The following MARCHF8 variants were observed in gnomAD, a reference collection of about 807,000 sequenced individuals.
The protein encoded by MARCHF8 is membrane associated ring-CH-type finger 8, also known as E3 ubiquitin-protein ligase MARCHF8.
MARCHF8 carries 40 observed loss-of-function variants against 51.6 expected under a neutral mutation model. The observed-to-expected ratio is 0.77, with a 90% CI of 0.60 to 1.01. MARCHF8 has a LOEUF of 1.01. MARCHF8 is among the 50% of genes least tolerant of loss of function. MARCHF8 has a pLI of 0.00. For missense variants in MARCHF8, 685 were observed against 708.6 expected (o/e 0.97, Z 0.38); for synonymous variants, 263 against 280.3 (o/e 0.94, Z 0.62).
intron 1 of MARCHF8, among the ~76,000 whole-genome samples, chr10:45,546,896 CTG>C (rs2044131082): frequency 6.6e-6 from 1 of 151,896 alleles, no homozygotes; most frequent in South Asian, 2.1e-4. Flanking sequence ...AAACAAAAGA[CTG>C]AAGTTTGTTA....
chr10:45,468,355 A>T (rs1843039982), intron 3 of MARCHF8, among the ~76,000 whole-genome samples: 1 of 152,210 alleles, frequency 6.6e-6, no homozygotes, highest in Admixed American at 6.5e-5. Flanking sequence ...ACTGCAGGAC[A>T]CCAGCGCACC....
intron 1 of MARCHF8, among the ~76,000 whole-genome samples, chr10:45,554,060 G>C (rs75158965): frequency 6.6e-6 from 1 of 152,090 alleles, no homozygotes; most frequent in Non-Finnish European, 1.5e-5. Flanking sequence ...TTGAATTGGT[G>C]GTATAATCAT....
Position 45,501,685 on chromosome 10 carries a change from G to A in MARCHF8, c.103-12268C>T, listed in dbSNP as rs186883678. 3.3e-3 allele frequency among the ~76,000 whole-genome samples: 499 copies of A among 152,126 alleles called. 1 individual carries two copies. Among genetic ancestry groups the A allele is most frequent in the Non-Finnish European group, 5.4e-3 (365 of 67,946 alleles). On this transcript the variant is annotated intron_variant, in intron 2 of 7. Coordinates refer to ENST00000453424, the MANE Select transcript of MARCHF8 (RefSeq NM_001282866.2). ...AAACGTTTGCTCCATGAAAGACCCC[G>A]CTAAAAGGCTGAAGATAAAAGCTAT... is the stretch of plus-strand genomic sequence containing the variant.
At chr10:45,464,443 A>C in intron 3 of MARCHF8, 116 bp from the exon 4 acceptor site, 1 of 799,446 alleles carries the variant, frequency 1.3e-6, no homozygotes, top group Non-Finnish European at 2.2e-6. Context: ...CCCGCTGCTC[A>C]ACGAGTAACA....
chr10:45,534,100 A>G (rs1360038414), intron 1 of MARCHF8, among the ~76,000 whole-genome samples: 1 of 152,060 alleles, frequency 6.6e-6, no homozygotes, highest in Non-Finnish European at 1.5e-5. Flanking sequence ...GGAGAATGGC[A>G]CAAACCCAGG....
chr10:45,522,273 A>G (rs2043719471), intron 2 of MARCHF8, among the ~76,000 whole-genome samples: 1 of 152,156 alleles, frequency 6.6e-6, no homozygotes, highest in Admixed American at 6.6e-5. Flanking sequence ...TTGGTATGGG[A>G]GGGCCACTGA....
At chr10:45,515,362 A>G (rs1240595322) in intron 2 of MARCHF8, among the ~76,000 whole-genome samples, 2 of 152,140 alleles carry the variant, frequency 1.3e-5, no homozygotes, top group Non-Finnish European at 2.9e-5. Flanking sequence ...CACTGTAAAC[A>G]TCTCAAGCTT....
intron 1 of MARCHF8, among the ~76,000 whole-genome samples, chr10:45,586,582 T>C (rs2044620688): frequency 6.6e-6 from 1 of 152,154 alleles, no homozygotes; most frequent in Non-Finnish European, 1.5e-5. Flanking sequence ...TGCCTGTACA[T>C]TCCTATCAGC....
chr10:45,460,838 T>C (rs1053805991), intron 6 of MARCHF8, among the ~76,000 whole-genome samples: 1 of 152,218 alleles, frequency 6.6e-6, no homozygotes, highest in African/African-American at 2.4e-5. Context: ...TACTGTATGC[T>C]ACACTGTGCT....
Position 45,474,875 on chromosome 10 carries a change from A to G in MARCHF8, c.154-10548T>C, listed in dbSNP as rs1371544828. Among the ~76,000 whole-genome samples, 3 of 152,158 alleles carry G rather than the reference A, an allele frequency of 2.0e-5. No individual in the cohort carries two copies. The East Asian group carries it at 5.8e-4, about 29-fold the overall frequency. On this transcript the variant is annotated intron_variant, in intron 3 of 7. Transcript: ENST00000453424. ...ACCATGCACTTCTGCAATTCCAGCC[A>G]TGACAGAGCCCTAGACCCTCACAGG...
intron 1 of MARCHF8, among the ~76,000 whole-genome samples, chr10:45,585,169 C>A (rs35183191): frequency 1.3e-5 from 2 of 152,212 alleles, no homozygotes; most frequent in African/African-American, 2.4e-5. Context: ...TACACAGCAA[C>A]AGAAAACTAC....
chr10:45,546,427 T>C (rs1327937238), intron 1 of MARCHF8, among the ~76,000 whole-genome samples: 1 of 152,060 alleles, frequency 6.6e-6, no homozygotes, highest in Admixed American at 6.6e-5. Context: ...CCTTCCAAAG[T>C]GCTGAGATTA....
At chr10:45,533,512 G>A (rs1333122917) in intron 1 of MARCHF8, among the ~76,000 whole-genome samples, 1 of 152,132 alleles carries the variant, frequency 6.6e-6, no homozygotes, top group African/African-American at 2.4e-5. Context: ...GGTGGATCAC[G>A]TACATGTATA....
intron 1 of MARCHF8, among the ~76,000 whole-genome samples, chr10:45,575,295 C>A (rs533350590): frequency 6.6e-6 from 1 of 152,206 alleles, no homozygotes; most frequent in Non-Finnish European, 1.5e-5. Flanking sequence ...CCTACTCCCC[C>A]ACTGAAACTT....
At chr10:45,545,890 A>G (rs981791975) in intron 1 of MARCHF8, among the ~76,000 whole-genome samples, 15 of 152,170 alleles carry the variant, frequency 9.9e-5, no homozygotes, top group African/African-American at 3.6e-4. Context: ...ACTGGTTAGC[A>G]AGGCTAACCT....
At chr10:45,483,884 G>A (rs2042933149) in intron 3 of MARCHF8, among the ~76,000 whole-genome samples, 1 of 152,204 alleles carries the variant, frequency 6.6e-6, no homozygotes, top group African/African-American at 2.4e-5. Context: ...ATAGGTACTA[G>A]AGGCTGGGAA....
intron 1 of MARCHF8, among the ~76,000 whole-genome samples, chr10:45,588,283 G>A (rs1487919201): frequency 6.6e-6 from 1 of 151,834 alleles, no homozygotes; most frequent in Admixed American, 6.6e-5. Context: ...CTGAAGAACA[G>A]AAATATTCAA....
At chr10:45,525,440 G>C (rs1245552966) in intron 2 of MARCHF8, among the ~76,000 whole-genome samples, 3 of 152,162 alleles carry the variant, frequency 2.0e-5, no homozygotes, top group African/African-American at 4.8e-5. Flanking sequence ...AAGGAGGACA[G>C]GGCAGAAAAT....
At chr10:45,542,345 CAAAAAAAAAA>C (rs60776762) in intron 1 of MARCHF8, among the ~76,000 whole-genome samples, 33 of 48,988 alleles carry the variant, frequency 6.7e-4, no homozygotes, top group Admixed American at 3.4e-3. Flanking sequence ...GACTTCGTCT[CAAAAAAAAAA>C]AAAAAAAAAA....
Sources: gnomAD v4.1 joint callset for allele counts (sites outside exome capture counted in the v4.1 genomes callset) on GRCh38, gnomAD v4.1.1 for gene constraint, MANE v1.5 for transcripts, NCBI Gene and HGNC (gene_info 2026-07-23, HGNC 2026-07-21) for gene names.